Variants in DIP2B observed in about 807,000 individuals in gnomAD.
DIP2B encodes the protein disco-interacting protein 2 homolog B.
Under a neutral mutation model 198.0 loss-of-function variants are expected in DIP2B, and 76 were observed. That is an observed-to-expected ratio of 0.38 (90% CI 0.32 to 0.46). DIP2B has a LOEUF of 0.46. DIP2B is among the 20% of genes least tolerant of loss of function. The pLI is 0.99. For missense variants in DIP2B, 1,559 were observed against 1,978.4 expected (o/e 0.79, Z 4.02); for synonymous variants, 701 against 739.1 (o/e 0.95, Z 0.84).
intron 12 of DIP2B, among the ~76,000 whole-genome samples, chr12:50,690,175 C>T (rs1241994845): frequency 5.9e-5 from 9 of 151,300 alleles, no homozygotes. Context: ...CAAGCTCTGC[C>T]TCCCAGGTTC....
At chr12:50,701,072 T>A (rs529295772) in intron 19 of DIP2B, among the ~76,000 whole-genome samples, 28 of 152,342 alleles carry the variant, frequency 1.8e-4, no homozygotes, top group African/African-American at 6.7e-4. Context: ...TTGAAGATAC[T>A]GATATTTTAT....
At chr12:50,607,014 C>G (rs1312748605) in intron 1 of DIP2B, among the ~76,000 whole-genome samples, 1 of 152,006 alleles carries the variant, frequency 6.6e-6, no homozygotes, top group Non-Finnish European at 1.5e-5. Flanking sequence ...ATGTTGCCCG[C>G]AGTGGTAGTC....
intron 12 of DIP2B, among the ~76,000 whole-genome samples, chr12:50,687,482 A>G (rs1038014492): frequency 6.6e-6 from 1 of 152,178 alleles, no homozygotes; most frequent in Non-Finnish European, 1.5e-5. Context: ...GATCTGGGGG[A>G]AAATCATCTA....
At chr12:50,525,858 G>T (rs1414990970) in intron 1 of DIP2B, among the ~76,000 whole-genome samples, 1 of 152,012 alleles carries the variant, frequency 6.6e-6, no homozygotes, top group Non-Finnish European at 1.5e-5. Flanking sequence ...AGAATGTTCT[G>T]CTCCAACTTA....
rs1802998894 is a variant in DIP2B at position 50,745,460 on chromosome 12, C to T, written c.*621C>T. On this transcript the variant is annotated 3_prime_UTR_variant, in exon 38 of 38. Transcript: ENST00000301180. ...GAATTGGCTTGTATAGTTATAACAA[C>T]CACAGTAGAAACATTTCTACTTTGA... The T allele has an allele frequency of 1.3e-5, 2 of 152,558 alleles. No homozygotes were observed. The highest frequency in any genetic ancestry group is 6.5e-5 in the Admixed American group (1 of 15,324). 9.5% of individuals were successfully genotyped at this position (152,558 alleles called of 1,614,324 possible). A position where few individuals can be genotyped will look rare whatever the true frequency, so the allele number is the denominator to read the frequency against.
intron 1 of DIP2B, among the ~76,000 whole-genome samples, chr12:50,553,434 T>G (rs1050573144): frequency 2.0e-5 from 3 of 152,236 alleles, no homozygotes; most frequent in Admixed American, 1.3e-4. Flanking sequence ...TATTCATTTA[T>G]TGAATAAAGG....
Position 50,739,501 on chromosome 12 carries a change from C to G in DIP2B, c.4269C>G (p.Ser1423Arg). 2 of 1,614,210 alleles carry G rather than the reference C, an allele frequency of 1.2e-6. No individual in the cohort carries two copies. The highest frequency in any genetic ancestry group is 1.7e-6 in the Non-Finnish European group (2 of 1,180,036). ...CTGATCATTTCAACACTCGCCTCAG[C>G]TTTGGAGATGCAGCTCAGACACTCT... Reference protein sequence around the residue: ...LQADHFNTRLSFGDAAQTLWA... With the variant: ...LQADHFNTRLRFGDAAQTLWA... Residue 1423 changes from serine to arginine, a missense_variant, in exon 36 of 38, where the codon AGC becomes AGG. Ser to Arg is a moderately radical substitution (Grantham distance 110). Transcript: ENST00000301180.
chr12:50,506,988 G>A (rs906830604), intron 1 of DIP2B, among the ~76,000 whole-genome samples: 1 of 152,170 alleles, frequency 6.6e-6, no homozygotes, highest in Non-Finnish European at 1.5e-5. Context: ...TCTGCTTCCA[G>A]CTGATTGTTG....
intron 5 of DIP2B, among the ~76,000 whole-genome samples, chr12:50,672,631 T>G (rs1938874336): frequency 6.6e-6 from 1 of 152,228 alleles, no homozygotes; most frequent in African/African-American, 2.4e-5. Context: ...AACCATTTTA[T>G]CCACATTATT....
In DIP2B at chr12:50,540,053, G is replaced by GTTTTT. The variant is rs60978324; in HGVS notation, c.100+34838_100+34842dup. ...TGGCAGGTAGTTTAGTTGTTTCTGT[G>GTTTTT]TTTTTTTTTTTTTTTTTTTTTTTTT... On this transcript the variant is annotated intron_variant, in intron 1 of 37. Coordinates refer to ENST00000301180, the MANE Select transcript of DIP2B (RefSeq NM_173602.3). Among the ~76,000 whole-genome samples the GTTTTT allele has an allele frequency of 3.8e-3, 166 of 44,082 alleles. 1 individual carries two copies. Among genetic ancestry groups the GTTTTT allele is most frequent in the Non-Finnish European group, 4.5e-3 (115 of 25,586 alleles). The allele number at this position is 44,082 out of a possible 152,430, so 28.9% of individuals were successfully genotyped here.
At chr12:50,686,950 C>A (rs1418121773) in intron 12 of DIP2B, 1 of 288,990 alleles carries the variant, frequency 3.5e-6, no homozygotes, top group Non-Finnish European at 6.4e-6. Context: ...GAAGTACAAG[C>A]GTTTAGGAAA....
intron 1 of DIP2B, among the ~76,000 whole-genome samples, chr12:50,521,857 G>T (rs1958123175): frequency 6.6e-6 from 1 of 151,754 alleles, no homozygotes; most frequent in Non-Finnish European, 1.5e-5. Flanking sequence ...TGTTGCCCAG[G>T]CTTCTTGAAC....
At chr12:50,640,202 A>G (rs1938230146) in intron 2 of DIP2B, among the ~76,000 whole-genome samples, 2 of 152,148 alleles carry the variant, frequency 1.3e-5, no homozygotes, top group Admixed American at 6.6e-5. Flanking sequence ...CCATCCCCAT[A>G]TTCTTGATAA....
intron 19 of DIP2B, among the ~76,000 whole-genome samples, chr12:50,701,487 T>G (rs1354895512): frequency 2.0e-5 from 3 of 152,198 alleles, no homozygotes; most frequent in African/African-American, 7.2e-5. Flanking sequence ...GTTCAAACAA[T>G]TCTCCTGCCT....
chr12:50,572,853 A>G (rs1275438827), intron 1 of DIP2B, among the ~76,000 whole-genome samples: 1 of 152,206 alleles, frequency 6.6e-6, no homozygotes, highest in African/African-American at 2.4e-5. Context: ...ATGGAGCATT[A>G]TGATCCAGCC....
intron 1 of DIP2B, among the ~76,000 whole-genome samples, chr12:50,622,409 A>G (rs1937831350): frequency 6.6e-6 from 1 of 152,216 alleles, no homozygotes; most frequent in Non-Finnish European, 1.5e-5. Flanking sequence ...GTCATGATTG[A>G]AGTTTTAAAA....
At chr12:50,620,084 C>G (rs1937779263) in intron 1 of DIP2B, among the ~76,000 whole-genome samples, 1 of 152,124 alleles carries the variant, frequency 6.6e-6, no homozygotes, top group Non-Finnish European at 1.5e-5. Context: ...AGAAATAAAA[C>G]TTGTCTAGAG....
intron 1 of DIP2B, among the ~76,000 whole-genome samples, chr12:50,510,001 A>G (rs976229697): frequency 1.3e-5 from 2 of 152,198 alleles, no homozygotes; most frequent in African/African-American, 4.8e-5. Flanking sequence ...TCATCTTCAG[A>G]ATTACTGTCA....
chr12:50,556,670 G>A (rs1958474570), intron 1 of DIP2B, among the ~76,000 whole-genome samples: 1 of 151,144 alleles, frequency 6.6e-6, no homozygotes, highest in African/African-American at 2.4e-5. Context: ...AGCCTCTCCA[G>A]CAGCTGGGAC....
Sources: gnomAD v4.1 joint callset for allele counts (sites outside exome capture counted in the v4.1 genomes callset) on GRCh38, gnomAD v4.1.1 for gene constraint, MANE v1.5 for transcripts, NCBI Gene and HGNC (gene_info 2026-07-23, HGNC 2026-07-21) for gene names.